PAPPA2: variants seen among roughly 807,000 people sequenced by gnomAD.
PAPPA2 encodes the protein pappalysin-2.
PAPPA2 carries 86 observed loss-of-function variants against 176.4 expected under a neutral mutation model. The observed-to-expected ratio is 0.49, with a 90% confidence interval of 0.41 to 0.58. PAPPA2 has a LOEUF of 0.58. Ranked by LOEUF, PAPPA2 falls within the 20% of genes least tolerant of loss-of-function variation. The pLI, the probability that PAPPA2 is intolerant of heterozygous loss-of-function variation, is 0.00. For synonymous variants in PAPPA2, 809 were observed against 852.2 expected, an observed-to-expected ratio of 0.95 and a Z score of 0.88; for missense variants, 2,073 against 2,256.9, an observed-to-expected ratio of 0.92 and a Z score of 1.65.
intron 21 of PAPPA2, among the ~76,000 whole-genome samples, chr1:176,801,105 G>T (rs72718611): frequency 1.3e-5 from 2 of 148,860 alleles, no homozygotes; most frequent in South Asian, 2.1e-4. Flanking sequence ...ACACACACAC[G>T]CACACACACA....
intron 14 of PAPPA2, among the ~76,000 whole-genome samples, chr1:176,756,052 G>A (rs368048800): frequency 3.3e-5 from 5 of 152,004 alleles, no homozygotes; most frequent in Non-Finnish European, 7.4e-5. Flanking sequence ...TCCATCTCCC[G>A]GGTTCAAGCG....
At chr1:176,697,982 T>C (rs1660463910) in intron 7 of PAPPA2, among the ~76,000 whole-genome samples, 1 of 152,070 alleles carries the variant, frequency 6.6e-6, no homozygotes, top group Non-Finnish European at 1.5e-5. Flanking sequence ...AACCATAAGA[T>C]GTAACACACC....
In PAPPA2 at chr1:176,556,843, C is replaced by T. The variant is rs1309040234; in HGVS notation, c.521C>T (p.Thr174Ile). 4 of 1,614,042 alleles carry T rather than the reference C, an allele frequency of 2.5e-6. No individual in the cohort carries two copies. The highest frequency in any genetic ancestry group is 1.3e-5 in the African/African-American group (1 of 74,916). Residue 174 changes from threonine (T) to isoleucine (I), a missense_variant, in exon 2 of 23, where the codon ACC becomes ATC. Coordinates refer to ENST00000367662, the MANE Select transcript of PAPPA2 (RefSeq NM_020318.3). ...KGSAMAATTT[T>I]AIFTTLNEPK... ...TCAGCCATGGCTGCCACTACTACCA[C>T]CGCCATTTTCACAACCCTGAACGAA...
intron 1 of PAPPA2, among the ~76,000 whole-genome samples, chr1:176,494,092 TA>T (rs1367774109): frequency 6.6e-6 from 1 of 152,178 alleles, no homozygotes; most frequent in East Asian, 1.9e-4. Flanking sequence ...TGTCTGAACA[TA>T]AATTAGACTG....
chr1:176,564,212 T>C (rs1246123311), intron 2 of PAPPA2, among the ~76,000 whole-genome samples: 1 of 152,226 alleles, frequency 6.6e-6, no homozygotes, highest in Non-Finnish European at 1.5e-5. Flanking sequence ...CTTCAGGTGC[T>C]GTTGCTGTTG....
intron 21 of PAPPA2, 88 bp from the exon 22 acceptor site, chr1:176,840,085 A>G: frequency 1.3e-5 from 14 of 1,045,110 alleles, no homozygotes; most frequent in East Asian, 2.4e-5. Flanking sequence ...CTGGAGCTGT[A>G]TGGATTACGC....
At chr1:176,686,119 G>A (rs1402492447) in intron 4 of PAPPA2, among the ~76,000 whole-genome samples, 1 of 152,180 alleles carries the variant, frequency 6.6e-6, no homozygotes, top group African/African-American at 2.4e-5. Flanking sequence ...ACCCCTCTGT[G>A]TGTCTGTGAG....
chr1:176,486,289 T>A (rs1652641859), intron 1 of PAPPA2, among the ~76,000 whole-genome samples: 1 of 152,214 alleles, frequency 6.6e-6, no homozygotes, highest in Non-Finnish European at 1.5e-5. Context: ...TCATGGGTGC[T>A]CAAAAATACT....
rs114014772 is a variant in PAPPA2 at position 176,487,771 on chromosome 1, G to A, written c.-917+24353G>A. On this transcript the variant is annotated intron_variant, in intron 1 of 22. Coordinates refer to ENST00000367662, the MANE Select transcript of PAPPA2 (RefSeq NM_020318.3). ...GTTCCCCAAAAGGGTTTAGAGTCAAGTAGGGGTCAGATATGTGTAAATAAC... is the reference window on the plus strand; with the variant it reads ...GTTCCCCAAAAGGGTTTAGAGTCAAATAGGGGTCAGATATGTGTAAATAAC... Among the ~76,000 whole-genome samples the A allele has an allele frequency of 1.9e-3, 287 of 152,304 alleles. 2 individuals carry two copies. The highest frequency in any genetic ancestry group is 6.8e-3 in the Middle Eastern group (2 of 294).
At chr1:176,636,576 C>G (rs1397473068) in intron 3 of PAPPA2, among the ~76,000 whole-genome samples, 1 of 152,102 alleles carries the variant, frequency 6.6e-6, no homozygotes, top group Non-Finnish European at 1.5e-5. Context: ...ATTGCTGACT[C>G]AAACTTTTTT....
intron 16 of PAPPA2, among the ~76,000 whole-genome samples, chr1:176,770,181 AG>A (rs1664160652): frequency 6.6e-6 from 1 of 152,192 alleles, no homozygotes; most frequent in Non-Finnish European, 1.5e-5. Flanking sequence ...AGTGCTGGTT[AG>A]AGATGAAGAT....
In PAPPA2 at chr1:176,805,089, TC is replaced by T. The variant is rs1665845154; in HGVS notation, c.5202+4959del. Among the ~76,000 whole-genome samples, 2 of 147,682 alleles carry T rather than the reference TC, an allele frequency of 1.4e-5. 1 individual carries two copies. The highest frequency in any genetic ancestry group is 4.5e-4 in the South Asian group (2 of 4,412). ...TTCCTTCCTTCCTTCCTTCCTTCCTTCCTTTTATTTTTCCTTTTTTCTTTTT... is the reference window on the plus strand; with the variant it reads ...TTCCTTCCTTCCTTCCTTCCTTCCTTCTTTTATTTTTCCTTTTTTCTTTTT... On this transcript the variant is annotated intron_variant, in intron 21 of 22. Transcript: ENST00000367662.
intron 21 of PAPPA2, among the ~76,000 whole-genome samples, chr1:176,821,837 GAAT>G (rs1037933288): frequency 6.6e-6 from 1 of 152,192 alleles, no homozygotes; most frequent in African/African-American, 2.4e-5. Flanking sequence ...TGAGTAAAAA[GAAT>G]ATAGACAAAG....
intron 3 of PAPPA2, among the ~76,000 whole-genome samples, chr1:176,622,758 C>G (rs1324785310): frequency 6.6e-6 from 1 of 151,996 alleles, no homozygotes; most frequent in Non-Finnish European, 1.5e-5. Flanking sequence ...CCATTTAAGT[C>G]CAAGAGAAAT....
intron 21 of PAPPA2, among the ~76,000 whole-genome samples, chr1:176,814,182 G>A (rs1264212722): frequency 6.6e-6 from 1 of 152,182 alleles, no homozygotes; most frequent in Non-Finnish European, 1.5e-5. Context: ...TTTGGTTACT[G>A]TAGCCTTGTA....
intron 21 of PAPPA2, among the ~76,000 whole-genome samples, chr1:176,826,173 A>G (rs1666857909): frequency 6.6e-6 from 1 of 152,206 alleles, no homozygotes; most frequent in South Asian, 2.1e-4. Flanking sequence ...GAAGATTAAA[A>G]GCAAAGGAAC....
chr1:176,638,857 A>T (rs896675658), intron 3 of PAPPA2, among the ~76,000 whole-genome samples: 1 of 151,684 alleles, frequency 6.6e-6, no homozygotes, highest in African/African-American at 2.4e-5. Flanking sequence ...GAGGGCCCTG[A>T]TCTGGAACAT....
chr1:176,529,264 C>A (rs530271016), intron 1 of PAPPA2, among the ~76,000 whole-genome samples: 4 of 151,992 alleles, frequency 2.6e-5, no homozygotes, highest in Non-Finnish European at 4.4e-5. Flanking sequence ...GAGAGTGCAG[C>A]CAGCAGCCCA....
intron 17 of PAPPA2, among the ~76,000 whole-genome samples, chr1:176,777,075 T>C (rs1434564946): frequency 2.0e-5 from 3 of 152,102 alleles, no homozygotes; most frequent in Non-Finnish European, 2.9e-5. Context: ...CTCAGCCCTT[T>C]CCTGCATTTG....
Sources: gnomAD v4.1 joint callset for allele counts (sites outside exome capture counted in the v4.1 genomes callset) on GRCh38, gnomAD v4.1.1 for gene constraint, MANE v1.5 for transcripts, NCBI Gene and HGNC (gene_info 2026-07-23, HGNC 2026-07-21) for gene names.